The following RGPD2 variants were observed in gnomAD, a reference collection of about 807,000 sequenced individuals.
RGPD2 encodes RANBP2 like and GRIP domain containing 2, also known as RANBP2-like and GRIP domain-containing protein 2.
In RGPD2, 2 loss-of-function variants were observed where a neutral mutation model predicts 36.0. The observed-to-expected ratio is 0.06, with a 90% CI of 0.02 to 0.17. The LOEUF is 0.17. Ranked by LOEUF, RGPD2 falls within the 10% of genes least tolerant of loss-of-function variation. The probability of loss-of-function intolerance (pLI) is 1.00; values close to 1 mark genes in which losing one functional copy is unlikely to be tolerated. For synonymous variants in RGPD2, 19 were observed against 163.8 expected (o/e 0.12, Z 6.75); for missense variants, 40 against 464.3 (o/e 0.09, Z 8.40).
the RGPD2 span, among the ~76,000 whole-genome samples, chr2:87,881,137 C>T: frequency 6.6e-6 from 1 of 152,102 alleles, no homozygotes; most frequent in Non-Finnish European, 1.5e-5. Context: ...GGGGTGGGCT[C>T]ACAAGGCCCT....
chr2:87,970,169 T>C, the RGPD2 span, among the ~76,000 whole-genome samples: 1 of 151,928 alleles, frequency 6.6e-6, no homozygotes, highest in African/African-American at 2.4e-5. Flanking sequence ...TATTTGGGGA[T>C]TCTTCACATG....
At position 87,763,378 on chromosome 2, in the gene RGPD2, C is replaced by T. The variant is rs1285327680; in HGVS notation, c.5237-5952G>A. Among the ~76,000 whole-genome samples the T allele has an allele frequency of 5.7e-4, 84 of 148,060 alleles. 1 individual carries two copies. Among genetic ancestry groups the T allele is most frequent in the Admixed American group, 3.6e-3 (53 of 14,848 alleles). On this transcript the variant is annotated intron_variant, in intron 22 of 22. Coordinates refer to ENST00000398146, the MANE Select transcript of RGPD2 (RefSeq NM_001078170.3). ...TTCACCGTGTTAGCCAGGATGGTCT[C>T]GGTCTCCTGACCTCGTGATCCTCCC...
chr2:87,857,749 C>T, the RGPD2 span, among the ~76,000 whole-genome samples: 401 of 144,114 alleles, frequency 2.8e-3, no homozygotes, highest in Admixed American at 0.012. Flanking sequence ...CCATCCTGGC[C>T]AACACGGTGA....
the RGPD2 span, among the ~76,000 whole-genome samples, chr2:87,913,814 G>A: frequency 6.6e-6 from 1 of 152,142 alleles, no homozygotes; most frequent in East Asian, 1.9e-4. Context: ...AAAGAGTGGA[G>A]AGTAGATGTA....
At chr2:87,760,607 GTTTC>G (rs1359668464) in intron 22 of RGPD2, among the ~76,000 whole-genome samples, 2 of 12,220 alleles carry the variant, frequency 1.6e-4, no homozygotes, top group African/African-American at 2.8e-4. Flanking sequence ...TGTTTCTTCT[GTTTC>G]TTTCTCTTTT....
the RGPD2 span, among the ~76,000 whole-genome samples, chr2:87,834,321 T>G: frequency 6.6e-6 from 1 of 152,048 alleles, no homozygotes; most frequent in South Asian, 2.1e-4. Flanking sequence ...GCACACCATT[T>G]GAAGTCAAAA....
rs1052539502 is a variant in RGPD2, at chr2:87,763,258, C to T, written c.5237-5832G>A. Among the ~76,000 whole-genome samples, 63 of 146,862 alleles carry T rather than the reference C, an allele frequency of 4.3e-4. 2 individuals are homozygous for T. The highest frequency in any genetic ancestry group is 9.6e-4 in the African/African-American group (37 of 38,536). Reference sequence around the variant, plus strand: ...CTGCAAGCTCCGCCTCCCGGGTTCGCGCCATTCTCCTGCCTCAGCCTCCCT... The same window carrying T: ...CTGCAAGCTCCGCCTCCCGGGTTCGTGCCATTCTCCTGCCTCAGCCTCCCT... On this transcript the variant is annotated intron_variant, in intron 22 of 22. Coordinates refer to ENST00000398146, the MANE Select transcript of RGPD2 (RefSeq NM_001078170.3).
chr2:87,905,738 T>TTA, the RGPD2 span, among the ~76,000 whole-genome samples: 8 of 127,906 alleles, frequency 6.3e-5, no homozygotes, highest in East Asian at 1.4e-3. Context: ...TTATGAACAT[T>TTA]TATATATATA....
chr2:87,985,883 G>A, the RGPD2 span: 5 of 1,605,760 alleles, frequency 3.1e-6, no homozygotes, highest in Non-Finnish European at 4.3e-6. Context: ...CTTTTGGCAG[G>A]ATAAACTTAA....
chr2:87,984,726 C>T, the RGPD2 span, among the ~76,000 whole-genome samples: 8 of 148,094 alleles, frequency 5.4e-5, no homozygotes, highest in Non-Finnish European at 9.0e-5. Context: ...GTCAGGAGAT[C>T]GAGACCATCC....
At chr2:87,952,374 TATC>T in the RGPD2 span, among the ~76,000 whole-genome samples, 1 of 152,204 alleles carries the variant, frequency 6.6e-6, no homozygotes, top group Non-Finnish European at 1.5e-5. Context: ...GATGATGCCT[TATC>T]ATGTGGTTTA....
At chr2:87,936,888 TG>T in the RGPD2 span, among the ~76,000 whole-genome samples, 1 of 134,840 alleles carries the variant, frequency 7.4e-6, no homozygotes, top group Non-Finnish European at 1.6e-5. Flanking sequence ...GCTATTTTGA[TG>T]GGATTCCTCC....
Position 87,756,351 on chromosome 2 carries a change from T to C in RGPD2, c.*1041A>G, listed in dbSNP as rs1369767454. 1 of 132,596 alleles carries C rather than the reference T, an allele frequency of 7.5e-6. No homozygotes were observed. The highest frequency in any genetic ancestry group is 2.7e-5 in the African/African-American group (1 of 36,460). The allele number at this position is 132,596 out of a possible 1,614,324, so 8.2% of individuals were successfully genotyped here. ...GGGAGCCTGAAGAAATAGAAGTGGG[T>C]TGGATCTCTTTCAGCCTCGGAAAAG... is the stretch of plus-strand genomic sequence containing the variant. On this transcript the variant is annotated 3_prime_UTR_variant, in exon 23 of 23. Transcript: ENST00000398146.
chr2:87,887,472 G>A, the RGPD2 span, among the ~76,000 whole-genome samples: 1 of 151,924 alleles, frequency 6.6e-6, no homozygotes, highest in Non-Finnish European at 1.5e-5. Flanking sequence ...CAGTTAAAAT[G>A]CAGTGATTCT....
chr2:87,951,690 G>T, the RGPD2 span, among the ~76,000 whole-genome samples: 457 of 119,586 alleles, frequency 3.8e-3, no homozygotes, highest in East Asian at 8.1e-3. Flanking sequence ...CTCCAAGCGA[G>T]TCTCCTGCTT....
chr2:87,871,639 G>C, the RGPD2 span, among the ~76,000 whole-genome samples: 1 of 152,004 alleles, frequency 6.6e-6, no homozygotes, highest in African/African-American at 2.4e-5. Flanking sequence ...GCCAAAGTGG[G>C]CAGATTACCC....
the RGPD2 span, among the ~76,000 whole-genome samples, chr2:87,955,179 TA>T: frequency 1.8e-5 from 2 of 113,996 alleles, no homozygotes; most frequent in Non-Finnish European, 3.5e-5. Flanking sequence ...AATGCCCGGC[TA>T]ATTTTCTGTA....
At chr2:87,961,075 T>C in the RGPD2 span, among the ~76,000 whole-genome samples, 2 of 150,664 alleles carry the variant, frequency 1.3e-5, no homozygotes, top group East Asian at 2.0e-4. Flanking sequence ...AAAAATACTA[T>C]GGTATTCTAG....
intron 1 of RGPD2, among the ~76,000 whole-genome samples, chr2:87,824,782 GGCC>G (rs1216308123): frequency 3.2e-5 from 1 of 31,154 alleles, no homozygotes; most frequent in African/African-American, 1.1e-4. Context: ...GCCAGGCCGA[GGCC>G]GAGGCCGAGG....
Sources: allele counts gnomAD v4.1 joint callset (sites outside exome capture counted in the v4.1 genomes callset), GRCh38; gene constraint gnomAD v4.1.1; transcripts MANE v1.5; gene names NCBI Gene and HGNC (gene_info 2026-07-23, HGNC 2026-07-21).